The following TSHZ2 variants were observed in gnomAD, a reference collection of about 807,000 sequenced individuals.
TSHZ2 encodes the protein teashirt homolog 2.
A neutral mutation model predicts 74.4 loss-of-function variants in TSHZ2; 21 were observed. That is an observed-to-expected ratio of 0.28 (90% CI 0.20 to 0.41). The LOEUF is 0.41. Ranked by LOEUF, TSHZ2 falls within the 10% of genes least tolerant of loss-of-function variation. The pLI, the probability that TSHZ2 is intolerant of heterozygous loss-of-function variation, is 1.00. For missense variants in TSHZ2, 1,244 were observed against 1,293.5 expected, an observed-to-expected ratio of 0.96 and a Z score of 0.59; for synonymous variants, 540 against 515.3, an observed-to-expected ratio of 1.05 and a Z score of -0.65.
chr20:53,308,148 A>G (rs992081343), intron 2 of TSHZ2, among the ~76,000 whole-genome samples: 1 of 152,372 alleles, frequency 6.6e-6, no homozygotes, highest in African/African-American at 2.4e-5. Context: ...ATGGAGAAAA[A>G]TAAAGAAGAA....
intron 1 of TSHZ2, among the ~76,000 whole-genome samples, chr20:53,024,892 A>G (rs560134948): frequency 7.1e-4 from 108 of 152,214 alleles, no homozygotes; most frequent in African/African-American, 2.5e-3. Flanking sequence ...TATCCAGTCT[A>G]TCATTGATGG....
At chr20:53,125,956 T>C (rs1160056813) in intron 1 of TSHZ2, among the ~76,000 whole-genome samples, 1 of 152,260 alleles carries the variant, frequency 6.6e-6, no homozygotes, top group Non-Finnish European at 1.5e-5. Flanking sequence ...AGTGGCTACA[T>C]TGATAATAGC....
At chr20:53,036,606 A>G (rs991846699) in intron 1 of TSHZ2, among the ~76,000 whole-genome samples, 2 of 148,938 alleles carry the variant, frequency 1.3e-5, no homozygotes, top group Non-Finnish European at 3.0e-5. Flanking sequence ...TATGTATATC[A>G]TATATAATAT....
At chr20:53,196,249 A>C (rs1380613580) in intron 1 of TSHZ2, 1 of 152,062 alleles carries the variant, frequency 6.6e-6, no homozygotes, top group Non-Finnish European at 1.5e-5. Context: ...TTTCCCTCTC[A>C]ATGAGCAAGA....
chr20:53,039,583 T>G (rs1983960418), intron 1 of TSHZ2, among the ~76,000 whole-genome samples: 1 of 152,068 alleles, frequency 6.6e-6, no homozygotes, highest in Admixed American at 6.6e-5. Flanking sequence ...AAAGAGTGAA[T>G]AGTTGGTCAA....
rs369592278 is a variant in TSHZ2 at position 53,254,874 on chromosome 20, C to A, written c.1416C>A (p.Thr472=). Residue 472 remains threonine, a synonymous_variant, in exon 2 of 3, where the codon ACC becomes ACA. Transcript: ENST00000371497. ...KESKKERPEE[T]SKDEKVVKSE... is the part of the protein sequence containing the mutation. ...GTAAAAAAGAAAGGCCAGAGGAAAC[C>A]AGCAAGGATGAGAAAGTCGTGAAAA... 2 of 1,614,036 alleles carry A rather than the reference C, an allele frequency of 1.2e-6. No individual in the cohort carries two copies. The highest frequency in any genetic ancestry group is 2.7e-5 in the African/African-American group (2 of 74,910).
At chr20:53,207,252 G>A (rs983528777) in intron 1 of TSHZ2, among the ~76,000 whole-genome samples, 5 of 152,158 alleles carry the variant, frequency 3.3e-5, no homozygotes, top group Admixed American at 1.3e-4. Flanking sequence ...GAAATTGGAG[G>A]GCTGAGGGCT....
chr20:53,011,032 A>T (rs1001136815), intron 1 of TSHZ2, among the ~76,000 whole-genome samples: 4 of 152,220 alleles, frequency 2.6e-5, no homozygotes, highest in Non-Finnish European at 4.4e-5. Context: ...AGTAATACCA[A>T]TAAAATAAAA....
intron 2 of TSHZ2, among the ~76,000 whole-genome samples, chr20:53,368,210 C>T (rs368157312): frequency 2.3e-4 from 35 of 151,392 alleles, no homozygotes; most frequent in African/African-American, 7.8e-4. Context: ...GTTCAGTAAC[C>T]GACAGCTACG....
intron 1 of TSHZ2, among the ~76,000 whole-genome samples, chr20:53,215,025 C>T (rs1415120375): frequency 6.6e-6 from 1 of 152,118 alleles, no homozygotes; most frequent in Non-Finnish European, 1.5e-5. Flanking sequence ...ACACTGAGAT[C>T]GGGCACACCA....
chr20:53,168,990 G>T (rs998188254), intron 1 of TSHZ2: 3 of 152,098 alleles, frequency 2.0e-5, no homozygotes, highest in African/African-American at 7.2e-5. Context: ...ATAAACAATA[G>T]TTATGACAGT....
chr20:53,227,463 A>AACACACACACACACAC (rs10574252), intron 1 of TSHZ2, among the ~76,000 whole-genome samples: 1 of 146,566 alleles, frequency 6.8e-6, no homozygotes, highest in Non-Finnish European at 1.5e-5. Context: ...TGGGGAGGAA[A>AACACACACACACACAC]ACACACACAC....
chr20:53,011,095 C>T (rs2255805), intron 1 of TSHZ2, among the ~76,000 whole-genome samples: 85,299 of 152,062 alleles, frequency 0.56, 24,178 homozygotes, highest in African/African-American at 0.61. Flanking sequence ...TTTATTAGTG[C>T]CTTTTATGTA....
In TSHZ2 at chr20:53,478,676, AAAAT is replaced by A. The variant is rs199877654; in HGVS notation, c.*9-8455_*9-8452del. Among the ~76,000 whole-genome samples the A allele has an allele frequency of 5.7e-3, 871 of 151,818 alleles. 3 individuals carry two copies. Among genetic ancestry groups the A allele is most frequent in the Admixed American group, 9.2e-3 (141 of 15,274 alleles). ...TTTAATAAAAAATAAATAAAAAATA[AAAAT>A]AAATAAATAAATTTAGTTATCAGAT... On this transcript the variant is annotated intron_variant, in intron 2 of 2. Transcript: ENST00000371497.
rs977425896 is a variant in TSHZ2, at chr20:53,254,569, C to A, written c.1111C>A (p.Gln371Lys). The A allele has an allele frequency of 6.2e-7, 1 of 1,612,856 alleles. No homozygotes were observed. Among genetic ancestry groups the A allele is most frequent in the Non-Finnish European group, 8.5e-7 (1 of 1,178,920 alleles). The change falls in exon 2 of 3, where the codon CAG (glutamine) becomes AAG (lysine). Residue 371 changes from glutamine (Q) to lysine (K), a missense_variant. By Grantham distance (53) the Gln-to-Lys change is moderately conservative. Coordinates refer to ENST00000371497, the MANE Select transcript of TSHZ2 (RefSeq NM_173485.6). ...CCAAAATGGAGCCAGCTACACCTGG[C>A]AGTTTGAGGCCTGCAAGTCCCAGAT... is the stretch of plus-strand genomic sequence containing the variant. ...GYQNGASYTW[Q>K]FEACKSQILK...
At chr20:53,131,550 G>A (rs1030308816) in intron 1 of TSHZ2, among the ~76,000 whole-genome samples, 1 of 152,190 alleles carries the variant, frequency 6.6e-6, no homozygotes, top group Admixed American at 6.5e-5. Context: ...GAACATCAGG[G>A]AGAAACGAGT....
chr20:53,137,301 T>C lies in TSHZ2; in HGVS notation c.41-116198T>C, dbSNP rs61302185. ...TGGATAATATATTCGTGTTTCTTTT[T>C]TTTTTTTTTTTCATTCTAAACACTG... On this transcript the variant is annotated intron_variant, in intron 1 of 2. Transcript: ENST00000371497. Among the ~76,000 whole-genome samples, 432 of 151,266 alleles carry C rather than the reference T, an allele frequency of 2.9e-3. 5 individuals carry two copies. The highest frequency in any genetic ancestry group is 9.8e-3 in the African/African-American group (404 of 41,048).
intron 2 of TSHZ2, among the ~76,000 whole-genome samples, chr20:53,308,825 C>T (rs1354165432): frequency 2.0e-5 from 3 of 152,130 alleles, no homozygotes; most frequent in Non-Finnish European, 2.9e-5. Context: ...TGGATAAAGG[C>T]GAGAGCATTG....
In TSHZ2 at chr20:53,310,136, G is replaced by A. The variant is rs972654377; in HGVS notation, c.*8+53565G>A. Among the ~76,000 whole-genome samples the A allele has an allele frequency of 2.1e-4, 32 of 152,222 alleles. 1 individual carries two copies. The highest frequency in any genetic ancestry group is 2.9e-5 in the Non-Finnish European group (2 of 68,034). ...CAAGAGCCCAGGAGACAGGAGACCT[G>A]ACTAAAGACTAAATTGCCTTTGCAG... is the stretch of plus-strand genomic sequence containing the variant. On this transcript the variant is annotated intron_variant, in intron 2 of 2. Transcript: ENST00000371497.
Sources: gnomAD v4.1 joint callset for allele counts (sites outside exome capture counted in the v4.1 genomes callset) on GRCh38, gnomAD v4.1.1 for gene constraint, MANE v1.5 for transcripts, NCBI Gene and HGNC (gene_info 2026-07-23, HGNC 2026-07-21) for gene names.